Variants in MPP7 observed in about 807,000 individuals in gnomAD.
MPP7 encodes MAGUK p55 scaffold protein 7.
In MPP7, 60 loss-of-function variants were observed where a neutral mutation model predicts 76.5. The ratio of observed to expected loss-of-function variants is 0.78; its 90% CI spans 0.64 to 0.97. The LOEUF is 0.97. MPP7 is among the 50% of genes least tolerant of loss of function. The pLI is 0.00. For synonymous variants in MPP7, 237 were observed against 244.5 expected, an observed-to-expected ratio of 0.97 and a Z score of 0.29; for missense variants, 641 against 694.0, an observed-to-expected ratio of 0.92 and a Z score of 0.86.
intron 3 of MPP7, among the ~76,000 whole-genome samples, chr10:28,170,354 A>G (rs2763315): frequency 0.91 from 137,658 of 151,432 alleles, 62,629 homozygotes; most frequent in South Asian, 0.95. Flanking sequence ...TTTTTATATA[A>G]AGATGGGGTC....
chr10:28,250,300 T>C (rs1189426175), intron 1 of MPP7, among the ~76,000 whole-genome samples: 2 of 152,296 alleles, frequency 1.3e-5, no homozygotes, highest in Admixed American at 1.3e-4. Context: ...TATGGCCAAA[T>C]GTCATCTGTT....
chr10:28,270,186 C>T (rs189577543), intron 1 of MPP7, among the ~76,000 whole-genome samples: 5 of 152,216 alleles, frequency 3.3e-5, no homozygotes, highest in Admixed American at 6.5e-5. Context: ...ACAGTCCTTA[C>T]GGAACGGGAA....
intron 12 of MPP7, among the ~76,000 whole-genome samples, chr10:28,071,757 A>G (rs770541210): frequency 6.6e-6 from 1 of 152,218 alleles, no homozygotes; most frequent in Non-Finnish European, 1.5e-5. Context: ...CTTATAATAA[A>G]TAAGTTTGGA....
chr10:28,262,667 A>G (rs1031294948), intron 1 of MPP7, among the ~76,000 whole-genome samples: 5 of 152,170 alleles, frequency 3.3e-5, no homozygotes, highest in Admixed American at 3.3e-4. Flanking sequence ...CACCTATTCT[A>G]AACAGGTTGT....
At chr10:28,075,896 A>G (rs1228356799) in intron 12 of MPP7, among the ~76,000 whole-genome samples, 1 of 152,138 alleles carries the variant, frequency 6.6e-6, no homozygotes. Context: ...TTATTCAACA[A>G]CGGCTTCCCT....
chr10:28,124,089 C>T lies in MPP7; in HGVS notation c.557G>A (p.Arg186Lys). 6.2e-7 allele frequency: 1 copy of T among 1,612,138 alleles called. No homozygotes were observed. The highest frequency in any genetic ancestry group is 8.5e-7 in the Non-Finnish European group (1 of 1,178,330). The stretch of plus-strand genomic sequence containing the variant: ...CTCCACTGGTATCCCGTTGACTTCC[C>T]TAAGTTCATCACCAACATGAATAAG... ...SGLIHVGDEL[R>K]EVNGIPVEDK... The change falls in exon 8 of 17, where the codon AGG becomes AAG. Residue 186 changes from arginine to lysine, a missense_variant. By Grantham distance (26) the Arg-to-Lys change is conservative. Coordinates refer to ENST00000683449, the MANE Select transcript of MPP7 (RefSeq NM_001318170.2).
At chr10:28,173,220 T>A (rs1588883074) in intron 3 of MPP7, among the ~76,000 whole-genome samples, 2 of 134,400 alleles carry the variant, frequency 1.5e-5, no homozygotes, top group Admixed American at 7.7e-5. Context: ...AATAGGTGAG[T>A]AGCGATGAAA....
At chr10:28,182,661 A>G (rs1837095652) in intron 3 of MPP7, among the ~76,000 whole-genome samples, 1 of 152,258 alleles carries the variant, frequency 6.6e-6, no homozygotes, top group Admixed American at 6.5e-5. Context: ...ATATTCATCA[A>G]CATGAGAATA....
intron 3 of MPP7, among the ~76,000 whole-genome samples, chr10:28,181,798 T>A (rs1837067431): frequency 6.6e-6 from 1 of 152,186 alleles, no homozygotes; most frequent in Non-Finnish European, 1.5e-5. Flanking sequence ...ATTCTATAGA[T>A]GCTTACAACC....
At chr10:28,125,444 T>C (rs1360596862) in intron 6 of MPP7, among the ~76,000 whole-genome samples, 2 of 152,146 alleles carry the variant, frequency 1.3e-5, no homozygotes, top group Non-Finnish European at 2.9e-5. Context: ...AATTCTTCAT[T>C]CATTTCATCC....
chr10:28,175,338 A>G (rs1279047754), intron 3 of MPP7, among the ~76,000 whole-genome samples: 2 of 152,188 alleles, frequency 1.3e-5, no homozygotes, highest in Non-Finnish European at 2.9e-5. Flanking sequence ...CAAACCACCC[A>G]TAAACTTTAA....
At position 28,160,261 on chromosome 10, in the gene MPP7, C is replaced by T. The variant is rs546518278; in HGVS notation, c.157-10202G>A. Among the ~76,000 whole-genome samples the T allele has an allele frequency of 1.1e-4, 16 of 152,302 alleles. No individual in the cohort carries two copies. The East Asian group carries it at 3.1e-3, about 29-fold the overall frequency. On this transcript the variant is annotated intron_variant, in intron 3 of 16. Transcript: ENST00000683449. ...TGCTAACCAGAACTCTGGTTTGCAG[C>T]CAAGTGCTTTCTGAGTATTCCCCTC...
At chr10:28,251,179 T>C (rs1347246054) in intron 1 of MPP7, among the ~76,000 whole-genome samples, 5 of 152,150 alleles carry the variant, frequency 3.3e-5, no homozygotes, top group African/African-American at 1.2e-4. Flanking sequence ...TACATCAAAA[T>C]TCTGGTTGGG....
chr10:28,234,390 T>C (rs1396537503), intron 2 of MPP7, among the ~76,000 whole-genome samples: 5 of 152,034 alleles, frequency 3.3e-5, no homozygotes, highest in South Asian at 2.1e-4. Flanking sequence ...GACAAAGAAT[T>C]CCAAATAATT....
At chr10:28,102,835 A>G (rs1853887821) in intron 11 of MPP7, among the ~76,000 whole-genome samples, 1 of 152,178 alleles carries the variant, frequency 6.6e-6, no homozygotes, top group Non-Finnish European at 1.5e-5. Flanking sequence ...TGACTACAGG[A>G]GCTCCCTGCT....
chr10:28,299,827 A>G (rs942287794), intron 1 of MPP7, among the ~76,000 whole-genome samples: 5 of 145,406 alleles, frequency 3.4e-5, no homozygotes, highest in South Asian at 2.2e-4. Context: ...GTGCAGTGGC[A>G]CGATCTCAGC....
At chr10:28,233,920 G>A (rs1838979733) in intron 2 of MPP7, among the ~76,000 whole-genome samples, 1 of 151,042 alleles carries the variant, frequency 6.6e-6, no homozygotes, top group South Asian at 2.1e-4. Context: ...GAGAGGCAGA[G>A]GGAAAGAAGA....
intron 11 of MPP7, among the ~76,000 whole-genome samples, chr10:28,112,302 T>C (rs566628186): frequency 6.6e-6 from 1 of 152,170 alleles, no homozygotes; most frequent in Non-Finnish European, 1.5e-5. Context: ...TTGTTAAACA[T>C]AGAGTCTATT....
At chr10:28,196,466 C>T (rs900930832) in intron 3 of MPP7, among the ~76,000 whole-genome samples, 2 of 132,180 alleles carry the variant, frequency 1.5e-5, no homozygotes, top group South Asian at 2.6e-4. Flanking sequence ...GGTGACACAG[C>T]GAGACTCCAT....
Sources: allele counts gnomAD v4.1 joint callset (sites outside exome capture counted in the v4.1 genomes callset), GRCh38; gene constraint gnomAD v4.1.1; transcripts MANE v1.5; gene names NCBI Gene and HGNC (gene_info 2026-07-23, HGNC 2026-07-21).